ENPP2: variants seen among roughly 807,000 people sequenced by gnomAD.
ENPP2 encodes the protein ectonucleotide pyrophosphatase/phosphodiesterase 2.
Under a neutral mutation model 120.2 loss-of-function variants are expected in ENPP2, and 51 were observed. The observed-to-expected ratio is 0.42, with a 90% CI of 0.34 to 0.54. ENPP2 has a LOEUF of 0.54. Among genes scored for constraint, ENPP2 ranks in the 20% least tolerant of loss-of-function variants. The pLI is 0.04. For missense variants in ENPP2, 920 were observed against 1,066.5 expected, an observed-to-expected ratio of 0.86 and a Z score of 1.91; for synonymous variants, 365 against 366.4, an observed-to-expected ratio of 1.00 and a Z score of 0.04.
chr8:119,629,110 T>G (rs942628543), intron 2 of ENPP2, among the ~76,000 whole-genome samples: 3 of 152,186 alleles, frequency 2.0e-5, no homozygotes, highest in Non-Finnish European at 2.9e-5. Context: ...TATGTCTGTG[T>G]GGGTATGTAT....
chr8:119,665,610 A>C (rs1216700920), intron 1 of ENPP2, among the ~76,000 whole-genome samples: 1 of 152,232 alleles, frequency 6.6e-6, no homozygotes, highest in Non-Finnish European at 1.5e-5. Flanking sequence ...ATCAGTTATC[A>C]ATCCCTTCTG....
chr8:119,570,345 T>G (rs1814863650), intron 20 of ENPP2, among the ~76,000 whole-genome samples: 1 of 151,286 alleles, frequency 6.6e-6, no homozygotes, highest in Admixed American at 6.6e-5. Context: ...ATGTGGGAAC[T>G]CTGCACTTTA....
chr8:119,620,895 A>T (rs1159751708), intron 4 of ENPP2, among the ~76,000 whole-genome samples: 1 of 152,154 alleles, frequency 6.6e-6, no homozygotes, highest in African/African-American at 2.4e-5. Context: ...TCCAATAGAT[A>T]AAAAAGCCCT....
Position 119,621,433 on chromosome 8 carries a change from T to G in ENPP2, c.379A>C (p.Arg127=). 6.2e-7 allele frequency: 1 copy of G among 1,613,648 alleles called. No homozygotes were observed. The part of the protein sequence containing the change: ...ACHCSEDCLA[R]GDCCTNYQVV... ...TGGTAATTGGTACAGCAGTCTCCCC[T>G]GGCCAAGCAGTCCTCTGAGCAGTGA... Residue 127 remains arginine (R), a synonymous_variant, in exon 4 of 25, where the codon AGG becomes CGG. Transcript: ENST00000075322.
chr8:119,601,518 G>T, intron 9 of ENPP2, 56 bp from the exon 10 acceptor site: 1 of 1,341,938 alleles, frequency 7.5e-7, no homozygotes, highest in Non-Finnish European at 1.1e-6. Context: ...GCAAACTCAA[G>T]CCTGAGGAGT....
upstream of ENPP2, among the ~76,000 whole-genome samples, chr8:119,642,121 A>T (rs1817302749): frequency 6.6e-6 from 1 of 152,168 alleles, no homozygotes; most frequent in African/African-American, 2.4e-5. Flanking sequence ...CTTCTAGGAA[A>T]TCTAGAAGTT....
intron 9 of ENPP2, among the ~76,000 whole-genome samples, chr8:119,604,012 CTTTTTT>C (rs35136821): frequency 2.9e-5 from 4 of 136,594 alleles, no homozygotes; most frequent in Non-Finnish European, 4.7e-5. Context: ...CAATCTCTCT[CTTTTTT>C]TTTTTTTTTT....
intron 19 of ENPP2, chr8:119,573,232 C>A (rs1377009707): frequency 6.6e-6 from 1 of 151,886 alleles, no homozygotes; most frequent in South Asian, 2.1e-4. Flanking sequence ...CATGGCAAAA[C>A]CCTGTCTCTA....
Position 119,601,449 on chromosome 8 carries a change from C to A in ENPP2, c.847G>T (p.Glu283Ter), listed in dbSNP as rs778366431. 1 of 1,612,800 alleles carries A rather than the reference C, an allele frequency of 6.2e-7. No individual in the cohort carries two copies. Among genetic ancestry groups the A allele is most frequent in the Non-Finnish European group, 8.5e-7 (1 of 1,179,050 alleles). ...TGCAATATGGTTAATATTCTCCGCT[C>A]GTGAGGGATGACACTGGAGGGTAAA... ...TFFWSVVIPHERRILTILQWL... is the reference protein window; with the variant it reads ...TFFWSVVIPH Residue 283 changes from glutamate (E) to a stop codon, truncating the protein, a stop_gained, in exon 10 of 25, where the codon GAG becomes TAG. Coordinates refer to ENST00000075322, the MANE Select transcript of ENPP2 (RefSeq NM_001040092.3). LOFTEE classifies it high-confidence loss of function.
chr8:119,567,655 G>T (rs1271701354), intron 22 of ENPP2, among the ~76,000 whole-genome samples: 1 of 152,210 alleles, frequency 6.6e-6, no homozygotes, highest in Non-Finnish European at 1.5e-5. Context: ...TTCGGCTCTT[G>T]CTGGGTTTCA....
At chr8:119,568,334 T>G in intron 21 of ENPP2, 82 bp from the exon 22 acceptor site, 2 of 760,602 alleles carry the variant, frequency 2.6e-6, no homozygotes, top group Non-Finnish European at 4.6e-6. Flanking sequence ...GGGGGTAGAA[T>G]TTTCTTAAAT....
intron 24 of ENPP2, among the ~76,000 whole-genome samples, chr8:119,560,687 C>T (rs1364679068): frequency 6.6e-6 from 1 of 152,146 alleles, no homozygotes; most frequent in Non-Finnish European, 1.5e-5. Flanking sequence ...TACCTAATGC[C>T]TAAAACGTAC....
intron 3 of ENPP2, among the ~76,000 whole-genome samples, chr8:119,623,961 C>T (rs904992878): frequency 6.6e-6 from 1 of 152,108 alleles, no homozygotes; most frequent in Non-Finnish European, 1.5e-5. Flanking sequence ...CCATTCCTAT[C>T]TCTTCTCGAG....
rs953620626 is a variant in ENPP2, at chr8:119,600,854, A to G, written c.900-104T>C. ...TTTAAAAAAAAATGTTCTCAAGTTT[A>G]ATTTATCCTTTAACTACTATTCATG... On this transcript the variant is annotated intron_variant, in intron 10 of 24. Transcript: ENST00000075322. 3 of 759,968 alleles carry G rather than the reference A, an allele frequency of 3.9e-6. No individual in the cohort carries two copies. The African/African-American group carries it at 5.3e-5, about 13-fold the overall frequency. 47.1% of individuals were successfully genotyped at this position (759,968 alleles called of 1,614,324 possible).
chr8:119,586,995 GGGGCAGAGGCCTGGGCA>G (rs1249082957), intron 14 of ENPP2, 32 bp downstream of exon 14: 39 of 1,576,060 alleles, frequency 2.5e-5, no homozygotes, highest in Non-Finnish European at 3.1e-5. Context: ...GGCTGCTCCA[GGGGCAGAGGCCTGGGCA>G]GGGCAGAGGC....
intron 11 of ENPP2, 22 bp downstream of exon 11, chr8:119,600,656 A>C: frequency 6.6e-7 from 1 of 1,508,798 alleles, no homozygotes; most frequent in Non-Finnish European, 9.2e-7. Context: ...GATTCTTCTC[A>C]GGCAGATGCT....
intron 9 of ENPP2, among the ~76,000 whole-genome samples, chr8:119,603,929 G>T (rs751430145): frequency 3.9e-5 from 6 of 151,974 alleles, no homozygotes; most frequent in Non-Finnish European, 5.9e-5. Flanking sequence ...GACGCTGGAG[G>T]TCTGAGTAGC....
intron 19 of ENPP2, chr8:119,571,681 G>A (rs1814992578): frequency 6.6e-6 from 1 of 152,238 alleles, no homozygotes; most frequent in Non-Finnish European, 1.5e-5. Context: ...TTGGAAATGT[G>A]GGGCCCTACA....
chr8:119,641,317 G>GAA (rs35551866), upstream of ENPP2, among the ~76,000 whole-genome samples: 638 of 139,170 alleles, frequency 4.6e-3, 2 homozygotes, highest in African/African-American at 0.016. Context: ...ACCTAAAGCT[G>GAA]AAAAAAAAAA....
Sources: gnomAD v4.1 joint callset for allele counts (sites outside exome capture counted in the v4.1 genomes callset) on GRCh38, gnomAD v4.1.1 for gene constraint, MANE v1.5 for transcripts, NCBI Gene and HGNC (gene_info 2026-07-23, HGNC 2026-07-21) for gene names.